ANKRD30BL: variants seen among roughly 807,000 people sequenced by gnomAD.
ANKRD30BL encodes putative ankyrin repeat domain-containing protein 30B-like.
Under a neutral mutation model 18.4 loss-of-function variants are expected in ANKRD30BL, and 20 were observed. That is an observed-to-expected ratio of 1.09 (90% CI 0.77 to 1.58). ANKRD30BL has a LOEUF of 1.58. Ranked by LOEUF, ANKRD30BL falls within the 40% of genes most tolerant of loss-of-function variation. The pLI is 0.00. For missense variants in ANKRD30BL, 224 were observed against 268.6 expected, an observed-to-expected ratio of 0.83 and a Z score of 1.16; for synonymous variants, 72 against 100.9, an observed-to-expected ratio of 0.71 and a Z score of 1.72.
At chr2:132,183,137 C>CTTT (rs144303092) in intron 1 of ANKRD30BL, among the ~76,000 whole-genome samples, 22 of 140,234 alleles carry the variant, frequency 1.6e-4, no homozygotes, top group African/African-American at 4.7e-4. Context: ...GACAAAGTAG[C>CTTT]TTTTTTTTTT....
At chr2:132,176,055 T>A (rs1020917420) in intron 1 of ANKRD30BL, among the ~76,000 whole-genome samples, 2 of 152,180 alleles carry the variant, frequency 1.3e-5, no homozygotes, top group Non-Finnish European at 2.9e-5. Context: ...ATAGAAATGA[T>A]CGTTAGCAAC....
At chr2:132,174,690 G>A (rs1688332127) in intron 1 of ANKRD30BL, among the ~76,000 whole-genome samples, 1 of 152,196 alleles carries the variant, frequency 6.6e-6, no homozygotes, top group African/African-American at 2.4e-5. Flanking sequence ...TCATTTGACA[G>A]TTTAAGAAGT....
At chr2:132,241,526 C>A (rs1029496616) in intron 1 of ANKRD30BL, among the ~76,000 whole-genome samples, 1 of 151,684 alleles carries the variant, frequency 6.6e-6, no homozygotes, top group African/African-American at 2.4e-5. Context: ...CACATAATAA[C>A]TAGTTAGAAG....
intron 1 of ANKRD30BL, among the ~76,000 whole-genome samples, chr2:132,256,017 A>G (rs4953958): frequency 0.92 from 140,409 of 152,248 alleles, 64,927 homozygotes; most frequent in Non-Finnish European, 0.96. Context: ...AGTGCCCTTC[A>G]GCATGTAATA....
At chr2:132,200,500 A>G (rs1385465085) in intron 1 of ANKRD30BL, among the ~76,000 whole-genome samples, 1 of 152,130 alleles carries the variant, frequency 6.6e-6, no homozygotes, top group Non-Finnish European at 1.5e-5. Flanking sequence ...TACACCAACA[A>G]CAAACAAACA....
intron 1 of ANKRD30BL, among the ~76,000 whole-genome samples, chr2:132,202,903 G>C (rs1679136780): frequency 6.6e-6 from 1 of 152,066 alleles, no homozygotes. Flanking sequence ...TTTCTAACAG[G>C]GCATAGAGAA....
intron 3 of ANKRD30BL, chr2:132,155,380 A>T (rs1381541848): frequency 6.6e-6 from 1 of 152,144 alleles, no homozygotes; most frequent in African/African-American, 2.4e-5. Context: ...CCCCCCAAAA[A>T]TGGAGGTTTC....
chr2:132,217,285 G>A (rs1679532263), intron 1 of ANKRD30BL, among the ~76,000 whole-genome samples: 1 of 151,982 alleles, frequency 6.6e-6, no homozygotes, highest in African/African-American at 2.4e-5. Flanking sequence ...CTAGAGAGAA[G>A]TTTTCTCAGA....
At position 132,176,268 on chromosome 2, in the gene ANKRD30BL, G is replaced by A. The variant is rs1320347070; in HGVS notation, n.442-19122C>T. On this transcript the variant is annotated intron_variant and non_coding_transcript_variant, in intron 1 of 4. Transcript: ENST00000470729. ...AAACAGGCTGGGCACGGTGGTTCAC[G>A]CCTATAATTCCAGCACTTTGGGAGG... Among the ~76,000 whole-genome samples, 18 of 151,640 alleles carry A rather than the reference G, an allele frequency of 1.2e-4. 1 individual carries two copies. The highest frequency in any genetic ancestry group is 2.5e-4 in the Non-Finnish European group (17 of 68,004).
intron 1 of ANKRD30BL, among the ~76,000 whole-genome samples, chr2:132,239,127 T>C (rs546966700): frequency 0.012 from 1,851 of 152,132 alleles, 16 homozygotes; most frequent in South Asian, 0.033. Flanking sequence ...AAAGGAAATA[T>C]AGTCACATAA....
intron 1 of ANKRD30BL, among the ~76,000 whole-genome samples, chr2:132,201,456 AC>A (rs1330356013): frequency 6.6e-6 from 1 of 152,208 alleles, no homozygotes; most frequent in Non-Finnish European, 1.5e-5. Flanking sequence ...CAAGAAAAAA[AC>A]AACCCCATCA....
At chr2:132,209,935 T>C (rs933939633) in intron 1 of ANKRD30BL, among the ~76,000 whole-genome samples, 1 of 151,992 alleles carries the variant, frequency 6.6e-6, no homozygotes, top group Non-Finnish European at 1.5e-5. Context: ...TGAAACTTTG[T>C]TTTGATTGAG....
At chr2:132,253,182 G>C in intron 1 of ANKRD30BL, 1 of 222,056 alleles carries the variant, frequency 4.5e-6, no homozygotes, top group Non-Finnish European at 9.8e-6. Flanking sequence ...AGCCCTGGGA[G>C]GAACCCGGGC....
chr2:132,163,824 CAAG>C (rs1020739324), upstream of ANKRD30BL, among the ~76,000 whole-genome samples: 15 of 152,286 alleles, frequency 9.8e-5, no homozygotes, highest in African/African-American at 3.6e-4. Context: ...AACAAAAACC[CAAG>C]AATTGAAGAC....
chr2:132,180,176 C>T (rs559589818), intron 1 of ANKRD30BL, among the ~76,000 whole-genome samples: 143 of 151,558 alleles, frequency 9.4e-4, no homozygotes, highest in African/African-American at 3.1e-3. Context: ...CAATTTCCAG[C>T]TGTGCAAGCT....
At chr2:132,232,555 T>G (rs1377137994) in intron 1 of ANKRD30BL, among the ~76,000 whole-genome samples, 2 of 152,014 alleles carry the variant, frequency 1.3e-5, no homozygotes, top group African/African-American at 4.8e-5. Flanking sequence ...CCTCAGGAGC[T>G]GATGCAATCA....
At chr2:132,234,188 G>T (rs202026135) in intron 1 of ANKRD30BL, among the ~76,000 whole-genome samples, 45 of 151,844 alleles carry the variant, frequency 3.0e-4, no homozygotes, top group African/African-American at 1.0e-3. Context: ...TTCAAAGCAG[G>T]GTGTAGAGGG....
intron 1 of ANKRD30BL, among the ~76,000 whole-genome samples, chr2:132,189,556 A>G (rs1015747714): frequency 6.6e-6 from 1 of 151,574 alleles, no homozygotes; most frequent in Non-Finnish European, 1.5e-5. Flanking sequence ...ATGTAAATAC[A>G]ATGATATTCC....
At chr2:132,222,246 A>G (rs1348932444) in intron 1 of ANKRD30BL, among the ~76,000 whole-genome samples, 19 of 129,982 alleles carry the variant, frequency 1.5e-4, no homozygotes, top group East Asian at 5.2e-4. Context: ...CAGCCGCCCC[A>G]TCCGGGAGGT....
Sources: allele counts gnomAD v4.1 joint callset (sites outside exome capture counted in the v4.1 genomes callset), GRCh38; gene constraint gnomAD v4.1.1; transcripts MANE v1.5; gene names NCBI Gene and HGNC (gene_info 2026-07-23, HGNC 2026-07-21).